The following ZNF462 variants were observed in gnomAD, a reference collection of about 807,000 sequenced individuals.
The protein encoded by ZNF462 is zinc finger PBX1-interacting protein.
In ZNF462, 10 loss-of-function variants were observed where a neutral mutation model predicts 201.9. The ratio of observed to expected loss-of-function variants is 0.05; its 90% CI spans 0.03 to 0.08. The LOEUF (loss-of-function observed/expected upper bound fraction) is 0.08. Among genes scored for constraint, ZNF462 ranks in the 10% least tolerant of loss-of-function variants. The probability of loss-of-function intolerance (pLI) is 1.00; values close to 1 mark genes in which losing one functional copy is unlikely to be tolerated. For synonymous variants in ZNF462, 1,227 were observed against 1,193.3 expected (o/e 1.03, Z -0.58); for missense variants, 2,523 against 3,168.3 (o/e 0.80, Z 4.89).
At chr9:106,944,343 T>C (rs1458218853) in intron 7 of ZNF462, among the ~76,000 whole-genome samples, 1 of 152,214 alleles carries the variant, frequency 6.6e-6, no homozygotes, top group Non-Finnish European at 1.5e-5. Context: ...CATCAGACTT[T>C]TAAAACAATA....
At chr9:106,939,880 A>G (rs1445736173) in intron 7 of ZNF462, among the ~76,000 whole-genome samples, 4 of 152,242 alleles carry the variant, frequency 2.6e-5, no homozygotes, top group African/African-American at 9.6e-5. Flanking sequence ...TCAGCTGCTT[A>G]GAAGAGAAGG....
rs1826819805 is a variant in ZNF462 at position 106,974,190 on chromosome 9, G to T, written c.6749G>T (p.Gly2250Val). The T allele has an allele frequency of 6.2e-6, 10 of 1,613,988 alleles. No individual in the cohort carries two copies. The highest frequency in any genetic ancestry group is 2.2e-5 in the East Asian group (1 of 44,890). Reference protein sequence around the residue: ...EAGHSAVPEEGPKDLRCPLCL... With the variant: ...EAGHSAVPEEVPKDLRCPLCL... ...GGGCACTCAGCAGTTCCCGAGGAGG[G>T]CCCCAAAGATCTTCGCTGTCCTCTC... Residue 2250 changes from glycine to valine, a missense_variant, in exon 9 of 13, where the codon GGC becomes GTC. By Grantham distance (109) the Gly-to-Val change is moderately radical (BLOSUM62 -3). This residue lies in a region of ZNF462 where 228 missense variants were observed against 361.2 expected (regional missense o/e 0.63). Coordinates refer to ENST00000277225, the MANE Select transcript of ZNF462 (RefSeq NM_021224.6). The surrounding 1 kb of genome is among the most constrained non-coding windows in gnomAD (Gnocchi z 4.0).
In ZNF462 at chr9:106,930,682, C is replaced by G; in HGVS notation, c.6005C>G (p.Ala2002Gly). The G allele has an allele frequency of 6.2e-7, 1 of 1,614,082 alleles. No individual in the cohort carries two copies. The highest frequency in any genetic ancestry group is 8.5e-7 in the Non-Finnish European group (1 of 1,180,006). The change falls in exon 4 of 13, where the codon GCT (alanine) becomes GGT (glycine). Residue 2002 changes from alanine (A) to glycine (G), a missense_variant. This residue lies in a region of ZNF462 where 107 missense variants were observed against 187.7 expected (regional missense o/e 0.57). Transcript: ENST00000277225. The surrounding 1 kb of genome is among the most constrained non-coding windows in gnomAD (Gnocchi z 5.8). ...QYGNVPAVSA[A>G]VKGLRSHERS... ...GGCAATGTCCCAGCTGTGTCAGCTG[C>G]TGTGAAGGTGAGAACTGGAAGGTCT...
intron 7 of ZNF462, among the ~76,000 whole-genome samples, chr9:106,943,178 T>G (rs1057438599): frequency 2.0e-5 from 3 of 151,944 alleles, no homozygotes; most frequent in Non-Finnish European, 4.4e-5. Flanking sequence ...TAGAACTTGA[T>G]ATAGTCCTCC....
In ZNF462 at chr9:106,926,018, C is replaced by T. The variant is rs1448594216; in HGVS notation, c.2106C>T (p.Asn702=). 1.9e-6 allele frequency: 3 copies of T among 1,614,070 alleles called. No homozygotes were observed. The highest frequency in any genetic ancestry group is 2.5e-6 in the Non-Finnish European group (3 of 1,180,054). The change falls in exon 3 of 13, where the codon AAC becomes AAT. Residue 702 remains asparagine, a synonymous_variant. Transcript: ENST00000277225. This position sits in a 1 kb window ranked among gnomAD's most constrained non-coding sequence, Gnocchi z 7.9. Reference sequence around the variant, plus strand: ...CCAGGATTGACGAGATAGCAAGCAACCTTCAGAGCAAAATTAACCAAACCA... The same window carrying T: ...CCAGGATTGACGAGATAGCAAGCAATCTTCAGAGCAAAATTAACCAAACCA... ...KRTRIDEIAS[N]LQSKINQTKQ...
Position 106,929,239 on chromosome 9 carries a change from C to T in ZNF462, c.5327C>T (p.Ser1776Leu), listed in dbSNP as rs1369882694. ...AAGTGCTCCTTGTGCTCTTTCCAGTCGTTCAGCAAGAAGGGCATCGTGTCC... is the reference window on the plus strand; with the variant it reads ...AAGTGCTCCTTGTGCTCTTTCCAGTTGTTCAGCAAGAAGGGCATCGTGTCC... ...KKKCSLCSFQ[S>L]FSKKGIVSHY... The change falls in exon 3 of 13, where the codon TCG becomes TTG. Residue 1776 changes from serine to leucine, a missense_variant. By Grantham distance (145) the Ser-to-Leu change is moderately radical. Transcript: ENST00000277225. The surrounding 1 kb of genome is among the most constrained non-coding windows in gnomAD (Gnocchi z 8.7). The T allele has an allele frequency of 1.2e-6, 2 of 1,614,162 alleles. No homozygotes were observed. Among genetic ancestry groups the T allele is most frequent in the Non-Finnish European group, 1.7e-6 (2 of 1,180,028 alleles).
In ZNF462 at chr9:106,925,346, T is replaced by C; in HGVS notation, c.1434T>C (p.Thr478=). 1.2e-6 allele frequency: 2 copies of C among 1,614,236 alleles called. No homozygotes were observed. The highest frequency in any genetic ancestry group is 1.7e-6 in the Non-Finnish European group (2 of 1,180,044). The change falls in exon 3 of 13, where the codon ACT becomes ACC. Residue 478 remains threonine (T), a synonymous_variant. Coordinates refer to ENST00000277225, the MANE Select transcript of ZNF462 (RefSeq NM_021224.6). The surrounding 1 kb of genome is among the most constrained non-coding windows in gnomAD (Gnocchi z 7.9). ...ACAAATGTGACGAATGTCCGTTTACTTGCAAGAGCTCGTTGAAACTTGGGG... is the reference window on the plus strand; with the variant it reads ...ACAAATGTGACGAATGTCCGTTTACCTGCAAGAGCTCGTTGAAACTTGGGG... The part of the protein sequence containing the change: ...AVYKCDECPF[T]CKSSLKLGAH...
chr9:106,980,928 C>T lies in ZNF462; in HGVS notation c.6833-3258C>T, dbSNP rs143440723. Among the ~76,000 whole-genome samples, 236 of 152,320 alleles carry T rather than the reference C, an allele frequency of 1.5e-3. 1 individual carries two copies. The highest frequency in any genetic ancestry group is 5.5e-3 in the African/African-American group (228 of 41,578). ...TTCTGTAACCAAGGCAGAGCCCAGT[C>T]TATACCTGGAACCATTCCAGTTTTT... On this transcript the variant is annotated intron_variant, in intron 9 of 12. Transcript: ENST00000277225.
chr9:107,000,096 G>C (rs1031232916), intron 10 of ZNF462, among the ~76,000 whole-genome samples: 1 of 152,020 alleles, frequency 6.6e-6, no homozygotes, highest in Non-Finnish European at 1.5e-5. Flanking sequence ...AGGAGATTAA[G>C]GACTCAACAC....
chr9:106,916,070 A>T (rs1214115528), intron 1 of ZNF462, among the ~76,000 whole-genome samples: 1 of 152,210 alleles, frequency 6.6e-6, no homozygotes, highest in Non-Finnish European at 1.5e-5. Context: ...TCCCCCAGAT[A>T]AAAGAAGTTA....
chr9:106,971,978 C>T (rs540582754), intron 7 of ZNF462, 27 bp from the exon 8 acceptor site: 113 of 1,597,764 alleles, frequency 7.1e-5, no homozygotes, highest in Non-Finnish European at 8.9e-5. Flanking sequence ...CTCTGTGCCC[C>T]GTGTCATTTT....
At chr9:106,959,691 A>G (rs1831740637) in intron 7 of ZNF462, among the ~76,000 whole-genome samples, 1 of 152,108 alleles carries the variant, frequency 6.6e-6, no homozygotes, top group African/African-American at 2.4e-5. Flanking sequence ...TTTGCCATCT[A>G]TATAATGGGA....
At position 106,935,633 on chromosome 9, in the gene ZNF462, A is replaced by G; in HGVS notation, c.6235+12A>G. On this transcript the variant is annotated intron_variant, in intron 6 of 12. Transcript: ENST00000277225. This position sits in a 1 kb window ranked among gnomAD's most constrained non-coding sequence, Gnocchi z 4.1. Reference sequence around the variant, plus strand: ...CAAAGCTCATGCTGGTGAGTTGTGCATTGATGATGCACAAGTTCTTTAGCA... The same window carrying G: ...CAAAGCTCATGCTGGTGAGTTGTGCGTTGATGATGCACAAGTTCTTTAGCA... 6.2e-7 allele frequency: 1 copy of G among 1,604,198 alleles called. No homozygotes were observed. The highest frequency in any genetic ancestry group is 8.5e-7 in the Non-Finnish European group (1 of 1,171,116).
At chr9:106,896,235 C>T (rs534833795) in intron 1 of ZNF462, among the ~76,000 whole-genome samples, 1 of 152,316 alleles carries the variant, frequency 6.6e-6, no homozygotes, top group East Asian at 1.9e-4. Context: ...CGTCTAGAAC[C>T]ATACTAGCTA....
chr9:107,001,726 C>G (rs970400451), intron 10 of ZNF462, among the ~76,000 whole-genome samples: 1 of 152,090 alleles, frequency 6.6e-6, no homozygotes, highest in Admixed American at 6.6e-5. Context: ...CTCCTCTTGC[C>G]TTAGTCCCTT....
Position 106,924,137 on chromosome 9 carries a change from A to G in ZNF462, c.225A>G (p.Gln75=). The change falls in exon 3 of 13, where the codon CAA becomes CAG. Residue 75 remains glutamine, a synonymous_variant. Coordinates refer to ENST00000277225, the MANE Select transcript of ZNF462 (RefSeq NM_021224.6). The surrounding 1 kb of genome is among the most constrained non-coding windows in gnomAD (Gnocchi z 6.2). ...EFAIAEDLSG[Q]NATSLGTGGY... ...TTCCTTATGCTTTTTCTTTAGGTCA[A>G]AATGCAACTTCATTGGGGACCGGAG... The G allele has an allele frequency of 6.3e-7, 1 of 1,591,768 alleles. No homozygotes were observed. The highest frequency in any genetic ancestry group is 1.8e-5 in the Admixed American group (1 of 54,142).
chr9:106,888,718 G>T (rs1828440373), intron 1 of ZNF462, among the ~76,000 whole-genome samples: 1 of 152,176 alleles, frequency 6.6e-6, no homozygotes, highest in Admixed American at 6.5e-5. Flanking sequence ...AGTTAACCTA[G>T]ATTTCTAAGA....
chr9:106,925,110 G>A lies in ZNF462; in HGVS notation c.1198G>A (p.Gly400Ser). The change falls in exon 3 of 13, where the codon GGT becomes AGT. Residue 400 changes from glycine (G) to serine (S), a missense_variant. Physicochemically the swap from Gly to Ser is moderately conservative, Grantham distance 56 (BLOSUM62 0). Around this residue, in one of 15 missense-constraint regions of ZNF462, gnomAD observed 480 missense variants for 544.4 expected, o/e 0.88. Transcript: ENST00000277225. The surrounding 1 kb of genome is among the most constrained non-coding windows in gnomAD (Gnocchi z 7.9). Reference protein sequence around the residue: ...EELNEIDSENGLSAMDHQTSG... With the variant: ...EELNEIDSENSLSAMDHQTSG... ...GTTAAATGAAATAGACAGTGAGAATGGTTTAAGTGCTATGGATCACCAGAC... is the reference window on the plus strand; with the variant it reads ...GTTAAATGAAATAGACAGTGAGAATAGTTTAAGTGCTATGGATCACCAGAC... 1 of 1,614,172 alleles carries A rather than the reference G, an allele frequency of 6.2e-7. No homozygotes were observed.
rs1829829672 is a variant in ZNF462, at chr9:106,917,698, T to A, written c.-30-5656T>A. ...AGAGTACACAGAACTGCTTAGATCATGTAGCAAAAAGTATAAACATTTGAT... is the reference window on the plus strand; with the variant it reads ...AGAGTACACAGAACTGCTTAGATCAAGTAGCAAAAAGTATAAACATTTGAT... On this transcript the variant is annotated intron_variant, in intron 1 of 12. Coordinates refer to ENST00000277225, the MANE Select transcript of ZNF462 (RefSeq NM_021224.6). This position sits in a 1 kb window ranked among gnomAD's most constrained non-coding sequence, Gnocchi z 4.5. 6.6e-6 allele frequency among the ~76,000 whole-genome samples: 1 copy of A among 152,146 alleles called. No individual in the cohort carries two copies. The highest frequency in any genetic ancestry group is 1.5e-5 in the Non-Finnish European group (1 of 68,018).
Sources: gnomAD v4.1 joint callset for allele counts (sites outside exome capture counted in the v4.1 genomes callset) on GRCh38, gnomAD v4.1.1 for gene constraint, gnomAD v4.1.1 regional missense constraint, Gnocchi (gnomAD v3.1) non-coding constraint, MANE v1.5 for transcripts, NCBI Gene and HGNC (gene_info 2026-07-23, HGNC 2026-07-21) for gene names.